MAP2: variants seen among roughly 807,000 people sequenced by gnomAD.
MAP2 encodes microtubule associated protein 2.
In MAP2, 14 loss-of-function variants were observed where a neutral mutation model predicts 137.6. The ratio of observed to expected loss-of-function variants is 0.10; its 90% CI spans 0.07 to 0.16. The LOEUF (loss-of-function observed/expected upper bound fraction) is 0.16, where lower values mean the gene tolerates loss of function less well. Ranked by LOEUF, MAP2 falls within the 10% of genes least tolerant of loss-of-function variation. MAP2 has a pLI of 1.00. For synonymous variants in MAP2, 786 were observed against 782.3 expected (o/e 1.00, Z -0.08); for missense variants, 2,088 against 2,191.5 (o/e 0.95, Z 0.94).
chr2:209,575,297 G>A (rs1178813764), intron 2 of MAP2, among the ~76,000 whole-genome samples: 1 of 151,852 alleles, frequency 6.6e-6, no homozygotes. Flanking sequence ...CAAGGCGGGC[G>A]GATCACGAGG....
rs575311381 is a variant in MAP2, at chr2:209,442,570, CTGT to C, written c.-222+18296_-222+18298del. On this transcript the variant is annotated intron_variant, in intron 1 of 15. Coordinates refer to ENST00000682079, the MANE Select transcript of MAP2 (RefSeq NM_001375505.1). ...TTATTAAGGTCCCTGACTCTTCTTT[CTGT>C]TTACACTTTCACTGGATGATCTTTT... Among the ~76,000 whole-genome samples the C allele has an allele frequency of 2.0e-5, 3 of 151,766 alleles. No homozygotes were observed. In the South Asian group the frequency reaches 6.2e-4, roughly 31 times the overall value.
chr2:209,463,386 G>A (rs1703342588), intron 1 of MAP2, among the ~76,000 whole-genome samples: 2 of 152,152 alleles, frequency 1.3e-5, no homozygotes. Flanking sequence ...AAGTGTCCCT[G>A]TCGTGCTTTC....
At chr2:209,726,028 C>A (rs964619497) in intron 14 of MAP2, among the ~76,000 whole-genome samples, 1 of 152,050 alleles carries the variant, frequency 6.6e-6, no homozygotes, top group Admixed American at 6.6e-5. Context: ...GTACATAAGA[C>A]GCATTTATCT....
Position 209,693,984 on chromosome 2 carries a change from C to T in MAP2, c.1814C>T (p.Ser605Phe). 6.2e-7 allele frequency: 1 copy of T among 1,613,966 alleles called. No individual in the cohort carries two copies. Among genetic ancestry groups the T allele is most frequent in the South Asian group, 1.1e-5 (1 of 91,052 alleles). The stretch of plus-strand genomic sequence containing the variant: ...GACACTAGAGAAAGTGTCCATGAGT[C>T]TATTGATACCATGTCTCCCATGCAT... ...LSDTRESVHE[S>F]IDTMSPMHKN... Residue 605 changes from serine (S) to phenylalanine (F), a missense_variant, in exon 8 of 16, where the codon TCT (serine) becomes TTT (phenylalanine). By Grantham distance (155) the Ser-to-Phe change is radical. Around this residue, in one of 6 missense-constraint regions of MAP2, gnomAD observed 859 missense variants for 794.5 expected, o/e 1.08. Transcript: ENST00000682079.
intron 1 of MAP2, among the ~76,000 whole-genome samples, chr2:209,495,053 G>T (rs914717890): frequency 6.6e-6 from 1 of 152,166 alleles, no homozygotes; most frequent in Admixed American, 6.5e-5. Flanking sequence ...AAAAGACATC[G>T]GTAAACAAAG....
chr2:209,578,902 ATATCGGCCCTGGT>A (rs140085906), intron 2 of MAP2, among the ~76,000 whole-genome samples: 101,496 of 151,064 alleles, frequency 0.67, 40,195 homozygotes, highest in Non-Finnish European at 0.87. Flanking sequence ...CAGAAATCAC[ATATCGGCCCTGGT>A]TTTCTAATTC....
At chr2:209,652,044 C>T (rs2094838679) in intron 4 of MAP2, among the ~76,000 whole-genome samples, 1 of 152,082 alleles carries the variant, frequency 6.6e-6, no homozygotes, top group African/African-American at 2.4e-5. Context: ...GACAGTGTTG[C>T]CTGTGTTGTC....
At chr2:209,653,693 T>G (rs1215762352) in intron 5 of MAP2, among the ~76,000 whole-genome samples, 5 of 152,210 alleles carry the variant, frequency 3.3e-5, no homozygotes. Context: ...TATGTTTTGC[T>G]AGAAACTGTC....
rs754431951 is a variant in MAP2 at position 209,653,224 on chromosome 2, G to A, written c.54G>A (p.Pro18=). ...EAKAPHWTSA[P]LTEASAHSHP... is the part of the protein sequence containing the mutation. ...AGGCACCTCACTGGACCTCAGCACC[G>A]CTAACAGAGGCATCTGCACACTCAC... Residue 18 remains proline, a synonymous_variant, in exon 5 of 16, where the codon CCG becomes CCA. Coordinates refer to ENST00000682079, the MANE Select transcript of MAP2 (RefSeq NM_001375505.1). 97 of 1,613,710 alleles carry A rather than the reference G, an allele frequency of 6.0e-5. 1 individual carries two copies. Among genetic ancestry groups the A allele is most frequent in the South Asian group, 9.9e-5 (9 of 91,042 alleles).
At chr2:209,577,765 A>G (rs886809462) in intron 2 of MAP2, among the ~76,000 whole-genome samples, 3 of 152,140 alleles carry the variant, frequency 2.0e-5, no homozygotes, top group East Asian at 3.9e-4. Flanking sequence ...GCCAGTAATG[A>G]TAAGAGTGCC....
chr2:209,576,313 G>A (rs926870441), intron 2 of MAP2, among the ~76,000 whole-genome samples: 2 of 152,028 alleles, frequency 1.3e-5, no homozygotes, highest in South Asian at 4.2e-4. Flanking sequence ...GTGCGATCTC[G>A]GCTCACTGCA....
chr2:209,599,132 T>C (rs1214167963), intron 3 of MAP2, among the ~76,000 whole-genome samples: 2 of 152,194 alleles, frequency 1.3e-5, no homozygotes, highest in South Asian at 2.1e-4. Flanking sequence ...TTTTTAAAGA[T>C]TGCCATTCTA....
chr2:209,444,704 T>A (rs1698625824), intron 1 of MAP2, among the ~76,000 whole-genome samples: 1 of 151,588 alleles, frequency 6.6e-6, no homozygotes, highest in African/African-American at 2.4e-5. Context: ...TTAATTATAA[T>A]AACTATTTTT....
At chr2:209,434,829 C>CTA (rs1314825965) in intron 1 of MAP2, among the ~76,000 whole-genome samples, 2 of 107,512 alleles carry the variant, frequency 1.9e-5, no homozygotes, top group African/African-American at 1.1e-4. Flanking sequence ...CTCTCTCTCT[C>CTA]TCTCTATATA....
intron 5 of MAP2, among the ~76,000 whole-genome samples, chr2:209,676,230 A>G (rs1217160555): frequency 6.6e-6 from 1 of 151,940 alleles, no homozygotes; most frequent in Non-Finnish European, 1.5e-5. Flanking sequence ...AAGATCATGT[A>G]TTTTGCCAGG....
intron 1 of MAP2, among the ~76,000 whole-genome samples, chr2:209,487,689 A>C (rs1296278840): frequency 1.3e-5 from 2 of 152,224 alleles, no homozygotes; most frequent in African/African-American, 4.8e-5. Context: ...TAAATGGATA[A>C]AAATAAGCTT....
At chr2:209,545,094 G>C (rs1173163717) in intron 2 of MAP2, among the ~76,000 whole-genome samples, 1 of 152,148 alleles carries the variant, frequency 6.6e-6, no homozygotes, top group Non-Finnish European at 1.5e-5. Flanking sequence ...AATAGTAAGA[G>C]TTTTCTTTTT....
rs1010955499 is a variant in MAP2, at chr2:209,655,470, T to C, written c.262+2038T>C. On this transcript the variant is annotated intron_variant, in intron 5 of 15. Transcript: ENST00000682079. ...AAATGTAAAATAATATCTTTTCATG[T>C]CTACAGAGGATGTTCCAGTGATGAG... Among the ~76,000 whole-genome samples the C allele has an allele frequency of 5.9e-5, 9 of 152,350 alleles. No individual in the cohort carries two copies. In the East Asian group the frequency reaches 1.7e-3, roughly 29 times the overall value.
intron 3 of MAP2, among the ~76,000 whole-genome samples, chr2:209,616,308 T>C (rs1436760644): frequency 6.6e-6 from 1 of 152,228 alleles, no homozygotes; most frequent in Non-Finnish European, 1.5e-5. Context: ...CTAACAGTGA[T>C]GATCCAAAAA....
Sources: allele counts gnomAD v4.1 joint callset (sites outside exome capture counted in the v4.1 genomes callset), GRCh38; gene constraint gnomAD v4.1.1; regional missense constraint gnomAD v4.1.1; transcripts MANE v1.5; gene names NCBI Gene and HGNC (gene_info 2026-07-23, HGNC 2026-07-21).